WWOX: variants seen among roughly 807,000 people sequenced by gnomAD.
WWOX encodes WW domain containing oxidoreductase.
In WWOX, 69 loss-of-function variants were observed where a neutral mutation model predicts 46.2. The ratio of observed to expected loss-of-function variants is 1.49; its 90% CI spans 1.23 to 1.82. The LOEUF (loss-of-function observed/expected upper bound fraction) is 1.82. Among genes scored for constraint, WWOX ranks in the 40% most tolerant of loss-of-function variants. WWOX has a pLI of 0.00. For missense variants in WWOX, 919 were observed against 542.6 expected, an observed-to-expected ratio of 1.69 and a Z score of -6.89; for synonymous variants, 359 against 202.6, an observed-to-expected ratio of 1.77 and a Z score of -6.56.
At chr16:78,790,932 T>A (rs1407890764) in intron 8 of WWOX, among the ~76,000 whole-genome samples, 3 of 137,096 alleles carry the variant, frequency 2.2e-5, no homozygotes, top group African/African-American at 8.5e-5. Context: ...GGTGGGAGGA[T>A]CACCTGAGCC....
chr16:78,794,182 T>G (rs2050680119), intron 8 of WWOX, among the ~76,000 whole-genome samples: 1 of 152,120 alleles, frequency 6.6e-6, no homozygotes, highest in African/African-American at 2.4e-5. Flanking sequence ...CCTTGCTTCT[T>G]CCACCATGTG....
intron 5 of WWOX, among the ~76,000 whole-genome samples, chr16:78,204,311 G>T (rs1211888136): frequency 6.6e-6 from 1 of 151,522 alleles, no homozygotes. Context: ...ATATTTGTGG[G>T]GTACATCCGA....
intron 5 of WWOX, among the ~76,000 whole-genome samples, chr16:78,357,269 A>C (rs2081315643): frequency 1.3e-5 from 2 of 152,212 alleles, no homozygotes; most frequent in Non-Finnish European, 2.9e-5. Flanking sequence ...TAGCACAAAG[A>C]ACATGCTAGG....
chr16:78,356,091 A>AAAAAAAAG lies in WWOX; in HGVS notation c.517-30767_517-30766insAAAAAGAA, dbSNP rs1281293467. ...TTTCCTAAAAAAAAAAAAAAAAAAA[A>AAAAAAAAG]AAGAAGAATCGATTGAACCCGGGAG... On this transcript the variant is annotated intron_variant, in intron 5 of 8. Transcript: ENST00000566780. 9.1e-4 allele frequency among the ~76,000 whole-genome samples: 70 copies of AAAAAAAAG among 76,704 alleles called. 1 individual carries two copies. The highest frequency in any genetic ancestry group is 1.7e-3 in the Non-Finnish European group (60 of 35,042). 50.3% of individuals were successfully genotyped at this position (76,704 alleles called of 152,430 possible).
At chr16:79,084,384 A>T (rs1453412012) in intron 8 of WWOX, among the ~76,000 whole-genome samples, 1 of 152,224 alleles carries the variant, frequency 6.6e-6, no homozygotes, top group Non-Finnish European at 1.5e-5. Flanking sequence ...AATGTAAAAT[A>T]TAAATAATTC....
At chr16:78,443,582 G>T (rs569522600) in intron 8 of WWOX, among the ~76,000 whole-genome samples, 1 of 152,086 alleles carries the variant, frequency 6.6e-6, no homozygotes, top group South Asian at 2.1e-4. Context: ...TTTTAAATCC[G>T]CCTCGGCCTT....
intron 8 of WWOX, among the ~76,000 whole-genome samples, chr16:78,845,139 T>C (rs1267640920): frequency 6.6e-6 from 1 of 151,314 alleles, no homozygotes; most frequent in Non-Finnish European, 1.5e-5. Flanking sequence ...CTGTCTTTTT[T>C]TTTTTTTTTA....
At chr16:78,621,590 A>ATTTTTTTTTTT (rs1567442936) in intron 8 of WWOX, among the ~76,000 whole-genome samples, 1 of 42,996 alleles carries the variant, frequency 2.3e-5, no homozygotes. Flanking sequence ...TGTTGTTCTA[A>ATTTTTTTTTTT]TCTTTTTTTT....
At chr16:78,338,326 G>C (rs4887956) in intron 5 of WWOX, among the ~76,000 whole-genome samples, 1,358 of 121,780 alleles carry the variant, frequency 0.011, 293 homozygotes, top group East Asian at 0.059. Flanking sequence ...CAGCTGCTGA[G>C]AGTTTGAATA....
At chr16:78,609,395 C>A (rs1475912456) in intron 8 of WWOX, among the ~76,000 whole-genome samples, 1 of 151,876 alleles carries the variant, frequency 6.6e-6, no homozygotes, top group African/African-American at 2.4e-5. Context: ...TATGCTTCCC[C>A]ACCAGGAGAG....
chr16:79,133,638 A>G (rs968168264), intron 8 of WWOX, among the ~76,000 whole-genome samples: 42 of 152,148 alleles, frequency 2.8e-4, no homozygotes, highest in African/African-American at 9.9e-4. Context: ...GCTAAGTGCT[A>G]CTTTATATTT....
chr16:79,107,713 A>C (rs1435780965), intron 8 of WWOX, among the ~76,000 whole-genome samples: 1 of 152,210 alleles, frequency 6.6e-6, no homozygotes, highest in Non-Finnish European at 1.5e-5. Flanking sequence ...AAATGTTCAC[A>C]TCCTTCCCCC....
chr16:79,082,490 A>G (rs1224425066), intron 8 of WWOX, among the ~76,000 whole-genome samples: 2 of 152,158 alleles, frequency 1.3e-5, no homozygotes, highest in African/African-American at 4.8e-5. Context: ...TTATAGACCT[A>G]TGGAGATGTT....
At chr16:78,486,526 T>G (rs1019884683) in intron 8 of WWOX, among the ~76,000 whole-genome samples, 1 of 152,178 alleles carries the variant, frequency 6.6e-6, no homozygotes, top group Non-Finnish European at 1.5e-5. Flanking sequence ...GACCTGGTTG[T>G]TGTACACTAC....
chr16:78,830,415 G>T (rs994392631), intron 8 of WWOX, among the ~76,000 whole-genome samples: 8 of 151,944 alleles, frequency 5.3e-5, no homozygotes, highest in Non-Finnish European at 1.2e-4. Flanking sequence ...TGGTTTCTAT[G>T]GCTCTCCCCT....
In WWOX at chr16:78,099,902, G is replaced by C. The variant is rs1261994688; in HGVS notation, c.107+17G>C. ...CTACGCCAAGTAAGGGGGCCGCAGT[G>C]GGGCCGCGGACGCACCTGGGACCCT... On this transcript the variant is annotated intron_variant, in intron 1 of 8. Transcript: ENST00000566780. 2.6e-6 allele frequency: 4 copies of C among 1,553,226 alleles called. No individual in the cohort carries two copies. The Admixed American group carries it at 7.8e-5, about 30-fold the overall frequency.
At chr16:78,401,691 C>T (rs1409110877) in intron 6 of WWOX, among the ~76,000 whole-genome samples, 5 of 151,942 alleles carry the variant, frequency 3.3e-5, no homozygotes, top group African/African-American at 7.3e-5. Flanking sequence ...AATTTACATA[C>T]AATACAATTC....
At chr16:78,887,064 T>C (rs1480188309) in intron 8 of WWOX, among the ~76,000 whole-genome samples, 1 of 31,060 alleles carries the variant, frequency 3.2e-5, no homozygotes, top group Admixed American at 5.6e-4. Context: ...TCTGGCTATA[T>C]GTGTGTGTGT....
At chr16:78,527,746 A>C (rs1036431073) in intron 8 of WWOX, among the ~76,000 whole-genome samples, 30 of 39,370 alleles carry the variant, frequency 7.6e-4, no homozygotes, top group African/African-American at 1.5e-3. Flanking sequence ...ATCAGGAGTG[A>C]TATTGCCTGC....
Sources: allele counts gnomAD v4.1 joint callset (sites outside exome capture counted in the v4.1 genomes callset), GRCh38; gene constraint gnomAD v4.1.1; transcripts MANE v1.5; gene names NCBI Gene and HGNC (gene_info 2026-07-23, HGNC 2026-07-21).